The following KCNIP4 variants were observed in gnomAD, a reference collection of about 807,000 sequenced individuals.
KCNIP4 encodes potassium voltage-gated channel interacting protein 4.
Under a neutral mutation model 34.0 loss-of-function variants are expected in KCNIP4, and 12 were observed. The ratio of observed to expected loss-of-function variants is 0.35; its 90% CI spans 0.23 to 0.57. KCNIP4 has a LOEUF of 0.57. Ranked by LOEUF, KCNIP4 falls within the 20% of genes least tolerant of loss-of-function variation. The pLI, the probability that KCNIP4 is intolerant of heterozygous loss-of-function variation, is 0.83. For synonymous variants in KCNIP4, 124 were observed against 102.2 expected, an observed-to-expected ratio of 1.21 and a Z score of -1.29; for missense variants, 238 against 311.7, an observed-to-expected ratio of 0.76 and a Z score of 1.78.
chr4:21,779,653 C>G (rs1719447825), intron 1 of KCNIP4, among the ~76,000 whole-genome samples: 1 of 152,054 alleles, frequency 6.6e-6, no homozygotes, highest in Non-Finnish European at 1.5e-5. Context: ...TCTGTAATCC[C>G]AGTGCTTTGT....
At chr4:21,893,165 TTG>T (rs1727201822) in intron 1 of KCNIP4, among the ~76,000 whole-genome samples, 1 of 151,770 alleles carries the variant, frequency 6.6e-6, no homozygotes, top group Non-Finnish European at 1.5e-5. Flanking sequence ...GAAGCAAAAA[TTG>T]TGTGTGTGTG....
chr4:21,492,166 GAT>G lies in KCNIP4; in HGVS notation c.61+456403_61+456404del, dbSNP rs1366401051. 3.3e-5 allele frequency among the ~76,000 whole-genome samples: 5 copies of G among 151,962 alleles called. No homozygotes were observed. The East Asian group carries it at 9.6e-4, about 29-fold the overall frequency. On this transcript the variant is annotated intron_variant, in intron 1 of 8. Transcript: ENST00000382152. Reference sequence around the variant, plus strand: ...TATCAGTAAATAAAGAATATCTATTGATACAAGTCATTTTACTAACTCATTCC... The same window carrying G: ...TATCAGTAAATAAAGAATATCTATTGACAAGTCATTTTACTAACTCATTCC...
rs147687940 is a variant in KCNIP4, at chr4:21,192,952, CTAA to C, written c.62-310246_62-310244del. On this transcript the variant is annotated intron_variant, in intron 1 of 8. Transcript: ENST00000382152. ...ACTACTACTACTACTACTACTACTACTAATAATAATAATAATTAGTTGGGTGTG... is the reference window on the plus strand; with the variant it reads ...ACTACTACTACTACTACTACTACTACTAATAATAATAATTAGTTGGGTGTG... Among the ~76,000 whole-genome samples the C allele has an allele frequency of 5.0e-3, 719 of 145,004 alleles. 6 individuals carry two copies. The highest frequency in any genetic ancestry group is 0.019 in the South Asian group (86 of 4,544).
At chr4:20,937,401 GTTTTTTGTATT>G in intron 1 of KCNIP4, among the ~76,000 whole-genome samples, 1 of 151,274 alleles carries the variant, frequency 6.6e-6, no homozygotes, top group East Asian at 2.0e-4. Flanking sequence ...TGCCCGGCTA[GTTTTTTGTATT>G]TTTAGTAGAG....
intron 1 of KCNIP4, among the ~76,000 whole-genome samples, chr4:21,271,940 C>T (rs1261407725): frequency 6.6e-6 from 1 of 152,104 alleles, no homozygotes; most frequent in African/African-American, 2.4e-5. Flanking sequence ...AATTTATGTG[C>T]TTTCTTCATC....
chr4:21,570,705 T>C lies in KCNIP4; in HGVS notation c.61+377866A>G, dbSNP rs182090804. On this transcript the variant is annotated intron_variant, in intron 1 of 8. Transcript: ENST00000382152. ...TAATTCAGAGGGTTTATAGAATAGA[T>C]TCACTTTTCCTAATAGTCAAAGTTA... Among the ~76,000 whole-genome samples the C allele has an allele frequency of 9.9e-5, 15 of 152,210 alleles. No individual in the cohort carries two copies. In the East Asian group the frequency reaches 2.7e-3, roughly 28 times the overall value.
intron 1 of KCNIP4, among the ~76,000 whole-genome samples, chr4:21,062,974 C>T (rs759585424): frequency 6.6e-6 from 1 of 152,106 alleles, no homozygotes; most frequent in African/African-American, 2.4e-5. Context: ...GATCAAATAT[C>T]TGGGCACCCC....
At chr4:21,373,789 T>G (rs1720713782) in intron 1 of KCNIP4, among the ~76,000 whole-genome samples, 1 of 147,222 alleles carries the variant, frequency 6.8e-6, no homozygotes, top group South Asian at 2.1e-4. Flanking sequence ...CACTGCAACC[T>G]CTGCCTCCCA....
chr4:21,654,474 C>G (rs932224845), intron 1 of KCNIP4, among the ~76,000 whole-genome samples: 2 of 151,948 alleles, frequency 1.3e-5, no homozygotes, highest in African/African-American at 2.4e-5. Context: ...CTGATCTTTG[C>G]TAACAAATAC....
intron 1 of KCNIP4, among the ~76,000 whole-genome samples, chr4:21,085,566 C>A (rs1746351830): frequency 6.6e-6 from 1 of 152,120 alleles, no homozygotes; most frequent in South Asian, 2.1e-4. Context: ...ATGGGAACAC[C>A]CTGGTGACAC....
At chr4:21,285,350 G>A (rs968494107) in intron 1 of KCNIP4, among the ~76,000 whole-genome samples, 3 of 152,072 alleles carry the variant, frequency 2.0e-5, no homozygotes, top group Admixed American at 6.6e-5. Context: ...ACCTCAGTTT[G>A]AACAGTGTGC....
intron 1 of KCNIP4, among the ~76,000 whole-genome samples, chr4:21,122,390 T>C (rs925228542): frequency 6.6e-6 from 1 of 151,970 alleles, no homozygotes; most frequent in African/African-American, 2.4e-5. Context: ...AAATTGTTCT[T>C]GTAGGAATCA....
chr4:21,422,283 C>A (rs2109630933), intron 1 of KCNIP4, among the ~76,000 whole-genome samples: 1 of 151,834 alleles, frequency 6.6e-6, no homozygotes, highest in East Asian at 1.9e-4. Flanking sequence ...TCACTGCAAC[C>A]TCCGCCTCCT....
intron 1 of KCNIP4, among the ~76,000 whole-genome samples, chr4:21,151,166 G>C (rs557909623): frequency 2.0e-5 from 3 of 152,126 alleles, no homozygotes; most frequent in Non-Finnish European, 2.9e-5. Flanking sequence ...TTTCACACAA[G>C]AGTTAAGTGT....
intron 1 of KCNIP4, among the ~76,000 whole-genome samples, chr4:21,726,853 A>T (rs1326579238): frequency 6.6e-6 from 1 of 152,144 alleles, no homozygotes; most frequent in African/African-American, 2.4e-5. Flanking sequence ...TGTCAATCAT[A>T]CATAAGAACA....
chr4:21,820,279 GTGTGTGTATA>G (rs1417417889), intron 1 of KCNIP4, among the ~76,000 whole-genome samples: 1 of 17,648 alleles, frequency 5.7e-5, no homozygotes, highest in Non-Finnish European at 1.3e-4. Context: ...ATGTATGTGT[GTGTGTGTATA>G]TATATATATA....
chr4:21,212,793 G>A (rs1757312436), intron 1 of KCNIP4, among the ~76,000 whole-genome samples: 1 of 152,040 alleles, frequency 6.6e-6, no homozygotes, highest in Non-Finnish European at 1.5e-5. Flanking sequence ...ATCTCCCAAA[G>A]TCTCGACTCT....
chr4:21,082,615 G>A (rs1348708828), intron 1 of KCNIP4, among the ~76,000 whole-genome samples: 1 of 151,400 alleles, frequency 6.6e-6, no homozygotes, highest in South Asian at 2.1e-4. Flanking sequence ...GGGGCAGGAG[G>A]AAGAAGTAAT....
Position 21,850,691 on chromosome 4 carries a change from T to G in KCNIP4, c.61+97880A>C, listed in dbSNP as rs148760632. 1.6e-4 allele frequency: 24 copies of G among 152,318 alleles called. No homozygotes were observed. In the South Asian group the frequency reaches 4.1e-3, roughly 26 times the overall value. 9.4% of individuals were successfully genotyped at this position (152,318 alleles called of 1,614,324 possible). A position where few individuals can be genotyped will look rare whatever the true frequency, so the allele number is the denominator to read the frequency against. Reference sequence around the variant, plus strand: ...ATTTAATTTCAATTACATGATTTTTTTTCAGTTTTAAACTTTTATTGTAGT... The same window carrying G: ...ATTTAATTTCAATTACATGATTTTTGTTCAGTTTTAAACTTTTATTGTAGT... On this transcript the variant is annotated intron_variant, in intron 1 of 8. Transcript: ENST00000382152.
Sources: allele counts gnomAD v4.1 joint callset (sites outside exome capture counted in the v4.1 genomes callset), GRCh38; gene constraint gnomAD v4.1.1; transcripts MANE v1.5; gene names NCBI Gene and HGNC (gene_info 2026-07-23, HGNC 2026-07-21).